Variants in HHIPL1 observed in about 807,000 individuals in gnomAD.
The protein encoded by HHIPL1 is HHIP-like protein 1.
In HHIPL1, 43 loss-of-function variants were observed where a neutral mutation model predicts 61.8. The observed-to-expected ratio is 0.70, with a 90% CI of 0.55 to 0.90. The LOEUF is 0.90. Ranked by LOEUF, HHIPL1 falls within the 40% of genes least tolerant of loss-of-function variation. The probability of loss-of-function intolerance (pLI) is 0.00; values close to 1 mark genes in which losing one functional copy is unlikely to be tolerated. For missense variants in HHIPL1, 1,056 were observed against 1,157.7 expected, an observed-to-expected ratio of 0.91 and a Z score of 1.28; for synonymous variants, 482 against 515.8, an observed-to-expected ratio of 0.93 and a Z score of 0.89.
chr14:99,632,175 G>T, the HHIPL1 span, among the ~76,000 whole-genome samples: 2 of 152,234 alleles, frequency 1.3e-5, no homozygotes, highest in African/African-American at 4.8e-5. Flanking sequence ...AGAAAGAACA[G>T]GAGTAGCTTT....
intron 7 of HHIPL1, among the ~76,000 whole-genome samples, chr14:99,671,459 T>G (rs893887027): frequency 6.6e-6 from 1 of 152,184 alleles, no homozygotes; most frequent in East Asian, 1.9e-4. Context: ...AAGACCCTTG[T>G]CCCTCTTTTG....
chr14:99,645,279 G>C lies in HHIPL1; in HGVS notation c.72G>C (p.Leu24=). ...GGGCCGCCGCGCATCCGCAGTGCCT[G>C]GACTTCAGGCCGCCCTTCCGGCCGA... ...VLGAAAHPQC[L]DFRPPFRPTQ... The change falls in exon 1 of 9, where the codon CTG becomes CTC. Residue 24 remains leucine (L), a synonymous_variant. Transcript: ENST00000330710. 1 of 1,445,088 alleles carries C rather than the reference G, an allele frequency of 6.9e-7. No individual in the cohort carries two copies. The highest frequency in any genetic ancestry group is 9.1e-7 in the Non-Finnish European group (1 of 1,103,380). 89.5% of individuals were successfully genotyped at this position (1,445,088 alleles called of 1,614,324 possible).
At chr14:99,656,797 AAG>A (rs1347345043) in intron 2 of HHIPL1, among the ~76,000 whole-genome samples, 1 of 1,944 alleles carries the variant, frequency 5.1e-4, no homozygotes, top group South Asian at 0.12. Flanking sequence ...AAAAGAAAGA[AAG>A]AAAGAAAGAA....
intron 6 of HHIPL1, among the ~76,000 whole-genome samples, chr14:99,665,762 T>TTG (rs554936450): frequency 6.6e-6 from 1 of 151,546 alleles, no homozygotes; most frequent in Non-Finnish European, 1.5e-5. Context: ...GTTGTTATTG[T>TTG]TGTTGTTGTG....
chr14:99,629,376 C>A, the HHIPL1 span, among the ~76,000 whole-genome samples: 1 of 152,200 alleles, frequency 6.6e-6, no homozygotes, highest in African/African-American at 2.4e-5. Context: ...CAGGCATGGG[C>A]TCTCTCTGGA....
chr14:99,613,801 C>T, the HHIPL1 span, among the ~76,000 whole-genome samples: 3 of 152,112 alleles, frequency 2.0e-5, no homozygotes, highest in South Asian at 6.2e-4. Flanking sequence ...ATCCCAGCTA[C>T]TCAGGATGCT....
At chr14:99,658,426 G>A (rs1013785650) in intron 3 of HHIPL1, among the ~76,000 whole-genome samples, 3 of 152,100 alleles carry the variant, frequency 2.0e-5, no homozygotes, top group Non-Finnish European at 2.9e-5. Flanking sequence ...GGCATATATC[G>A]GGTGGGAGCG....
rs1566819130 is a variant in HHIPL1 at position 99,675,131 on chromosome 14, G to A, written c.1854G>A (p.Ala618=). The A allele has an allele frequency of 8.9e-7, 1 of 1,129,828 alleles. No individual in the cohort carries two copies. The highest frequency in any genetic ancestry group is 1.1e-6 in the Non-Finnish European group (1 of 913,414). 70.0% of individuals were successfully genotyped at this position (1,129,828 alleles called of 1,614,324 possible). A position where few individuals can be genotyped will look rare whatever the true frequency, so the allele number is the denominator to read the frequency against. Residue 618 remains alanine (A), a synonymous_variant, in exon 9 of 9, where the codon GCG becomes GCA. Transcript: ENST00000330710. The surrounding 1 kb of genome is among the most constrained non-coding windows in gnomAD (Gnocchi z 5.4). Reference sequence around the variant, plus strand: ...CACGGAGCACCCCGCGGCCTACAGCGCGGGCGCCCACGCGGGCGCCCCGCC... The same window carrying A: ...CACGGAGCACCCCGCGGCCTACAGCACGGGCGCCCACGCGGGCGCCCCGCC... ...PKTRSTPRPT[A]RAPTRAPRRG...
chr14:99,661,416 A>AAG (rs1166603104), intron 5 of HHIPL1, among the ~76,000 whole-genome samples: 13 of 146,842 alleles, frequency 8.9e-5, no homozygotes, highest in African/African-American at 3.1e-4. Flanking sequence ...AGAGAGAGAG[A>AAG]GAAAAGAAGG....
At position 99,655,906 on chromosome 14, in the gene HHIPL1, G is replaced by A. The variant is rs903564087; in HGVS notation, c.903-1094G>A. ...GCTGGGTGGAAACCCAGGAGTCCAC[G>A]TTCACCAGCCAACCCTGCTGTCTCT... On this transcript the variant is annotated intron_variant, in intron 2 of 8. Transcript: ENST00000330710. Among the ~76,000 whole-genome samples, 8 of 152,324 alleles carry A rather than the reference G, an allele frequency of 5.3e-5. No individual in the cohort carries two copies. The South Asian group carries it at 1.4e-3, about 28-fold the overall frequency.
At chr14:99,633,428 G>A in the HHIPL1 span, among the ~76,000 whole-genome samples, 6 of 152,204 alleles carry the variant, frequency 3.9e-5, no homozygotes, top group Non-Finnish European at 8.8e-5. Context: ...TGTGACACAT[G>A]CCTCCCTGGG....
At chr14:99,652,940 T>G in intron 2 of HHIPL1, 70 bp downstream of exon 2, 2 of 1,425,734 alleles carry the variant, frequency 1.4e-6, no homozygotes, top group Non-Finnish European at 9.6e-7. Context: ...ACAGGACCAG[T>G]TGGTATCCTG....
chr14:99,676,373 C>T lies in HHIPL1; in HGVS notation c.*747C>T, dbSNP rs1004826385. 6.6e-6 allele frequency: 1 copy of T among 152,394 alleles called. No individual in the cohort carries two copies. The highest frequency in any genetic ancestry group is 2.4e-5 in the African/African-American group (1 of 41,448). 9.4% of individuals were successfully genotyped at this position (152,394 alleles called of 1,614,324 possible). ...CCTTGTGGGTGCTCCTGGGATGGGA[C>T]CAGCCTCCTCCAACCCTGAGGCCTG... On this transcript the variant is annotated 3_prime_UTR_variant, in exon 9 of 9. Transcript: ENST00000330710.
chr14:99,653,757 A>G (rs1164958844), intron 2 of HHIPL1, among the ~76,000 whole-genome samples: 3 of 152,184 alleles, frequency 2.0e-5, no homozygotes, highest in East Asian at 1.9e-4. Flanking sequence ...TTATGCCCCA[A>G]CTGTTTTCAA....
At chr14:99,605,518 C>T in the HHIPL1 span, among the ~76,000 whole-genome samples, 2 of 152,230 alleles carry the variant, frequency 1.3e-5, no homozygotes, top group South Asian at 2.1e-4. Context: ...GCCGTTCATT[C>T]AGCTGTGTAC....
chr14:99,659,825 A>T (rs1595159583), intron 4 of HHIPL1, 69 bp downstream of exon 4: 22 of 551,950 alleles, frequency 4.0e-5, no homozygotes, highest in African/African-American at 6.3e-5. Flanking sequence ...GCTGTGCCGC[A>T]GGGCCTCCCT....
intron 8 of HHIPL1, among the ~76,000 whole-genome samples, chr14:99,673,138 A>G (rs1438306300): frequency 2.6e-5 from 4 of 152,068 alleles, no homozygotes; most frequent in African/African-American, 9.7e-5. Context: ...TCAGCAGGCC[A>G]CCCATTGGCA....
intron 6 of HHIPL1, 151 bp downstream of exon 6, chr14:99,663,172 T>C: frequency 1.4e-6 from 1 of 698,882 alleles, no homozygotes; most frequent in East Asian, 3.0e-5. Context: ...CAGACGTGCA[T>C]GTGCCTCTGT....
In HHIPL1 at chr14:99,668,377, C is replaced by A. The variant is rs996894110; in HGVS notation, c.1730+74C>A. ...CTTAGCTCCACGGGCTTGTCCCCTC[C>A]GCCTCGCCCTCAGGTGGGTGGTATT... On this transcript the variant is annotated intron_variant, in intron 7 of 8. Coordinates refer to ENST00000330710, the MANE Select transcript of HHIPL1 (RefSeq NM_001127258.3). The surrounding 1 kb of genome is among the most constrained non-coding windows in gnomAD (Gnocchi z 4.7). 2 of 893,398 alleles carry A rather than the reference C, an allele frequency of 2.2e-6. No individual in the cohort carries two copies. Among genetic ancestry groups the A allele is most frequent in the Admixed American group, 1.7e-5 (1 of 57,874 alleles). The allele number at this position is 893,398 out of a possible 1,614,324, so 55.3% of individuals were successfully genotyped here.
Sources: allele counts gnomAD v4.1 joint callset (sites outside exome capture counted in the v4.1 genomes callset), GRCh38; gene constraint gnomAD v4.1.1; non-coding constraint Gnocchi (gnomAD v3.1); transcripts MANE v1.5; gene names NCBI Gene and HGNC (gene_info 2026-07-23, HGNC 2026-07-21).